Variants in STPG2 observed in about 807,000 individuals in gnomAD.
STPG2 encodes sperm tail PG-rich repeat containing 2.
Under a neutral mutation model 54.2 loss-of-function variants are expected in STPG2, and 56 were observed. The observed-to-expected ratio is 1.03, with a 90% CI of 0.83 to 1.29. The LOEUF is 1.29. Among genes scored for constraint, STPG2 ranks in the 50% most tolerant of loss-of-function variants. The pLI is 0.00. For synonymous variants in STPG2, 200 were observed against 181.8 expected (o/e 1.10, Z -0.81); for missense variants, 596 against 544.9 (o/e 1.09, Z -0.93).
At chr4:97,475,211 T>A (rs1316126569) in intron 4 of STPG2, among the ~76,000 whole-genome samples, 1 of 151,926 alleles carries the variant, frequency 6.6e-6, no homozygotes, top group East Asian at 1.9e-4. Context: ...ACTTTAGCAC[T>A]GAATGTTTTC....
chr4:97,562,460 C>A (rs1732280994), intron 10 of STPG2, among the ~76,000 whole-genome samples: 1 of 152,100 alleles, frequency 6.6e-6, no homozygotes, highest in African/African-American at 2.4e-5. Context: ...TTGCCCTGGC[C>A]AGAACTTCCA....
chr4:97,471,818 AC>A (rs1729943731), intron 4 of STPG2, among the ~76,000 whole-genome samples: 1 of 152,246 alleles, frequency 6.6e-6, no homozygotes, highest in Non-Finnish European at 1.5e-5. Context: ...TTTGAAAAAA[AC>A]ATTTTCTGAG....
chr4:97,712,904 G>T, intron 9 of STPG2, 90 bp from the exon 10 acceptor site: 1 of 773,482 alleles, frequency 1.3e-6, no homozygotes, highest in Non-Finnish European at 1.9e-6. Flanking sequence ...TGCTCTTAAT[G>T]TATAAAATTA....
intron 10 of STPG2, among the ~76,000 whole-genome samples, chr4:97,673,572 C>T (rs1190768373): frequency 6.6e-6 from 1 of 152,168 alleles, no homozygotes; most frequent in Non-Finnish European, 1.5e-5. Flanking sequence ...AGAATCTCCC[C>T]TTCTTTCAAA....
intron 10 of STPG2, among the ~76,000 whole-genome samples, chr4:97,616,509 T>G (rs565233082): frequency 6.6e-6 from 1 of 152,242 alleles, no homozygotes; most frequent in East Asian, 1.9e-4. Flanking sequence ...TAGAGTTTCA[T>G]TTTCATTGTA....
chr4:97,946,608 T>C (rs746669645), intron 7 of STPG2, among the ~76,000 whole-genome samples: 93 of 152,314 alleles, frequency 6.1e-4, no homozygotes, highest in Non-Finnish European at 2.8e-4. Flanking sequence ...TTCTTCTAAA[T>C]GTAGCTATTC....
chr4:97,854,539 T>A (rs1729271071), intron 8 of STPG2, among the ~76,000 whole-genome samples: 1 of 149,652 alleles, frequency 6.7e-6, no homozygotes, highest in Admixed American at 6.7e-5. Flanking sequence ...AGTTCTTTTT[T>A]TACACTAGCA....
chr4:97,920,494 TG>T (rs1348217366), intron 8 of STPG2, among the ~76,000 whole-genome samples: 1 of 152,176 alleles, frequency 6.6e-6, no homozygotes, highest in Non-Finnish European at 1.5e-5. Flanking sequence ...AAGTGGAAAT[TG>T]GGTTGATGTT....
At chr4:97,642,385 G>T (rs1721789901) in intron 10 of STPG2, among the ~76,000 whole-genome samples, 1 of 150,988 alleles carries the variant, frequency 6.6e-6, no homozygotes, top group African/African-American at 2.4e-5. Context: ...ACATATTTAA[G>T]GTTTAGGAAG....
Position 97,826,389 on chromosome 4 carries a change from TA to T in STPG2, c.1204+14383del, listed in dbSNP as rs1728259479. Among the ~76,000 whole-genome samples the T allele has an allele frequency of 9.6e-5, 10 of 104,488 alleles. No individual in the cohort carries two copies. The South Asian group carries it at 2.7e-3, about 28-fold the overall frequency. The allele number at this position is 104,488 out of a possible 152,430, so 68.5% of individuals were successfully genotyped here. A position where few individuals can be genotyped will look rare whatever the true frequency, so the allele number is the denominator to read the frequency against. Reference sequence around the variant, plus strand: ...GTTTGAACAAGTTGTGGAAAGTTTATAAAAAATTAATTGTAAAGAGATTCTG... The same window carrying T: ...GTTTGAACAAGTTGTGGAAAGTTTATAAAAATTAATTGTAAAGAGATTCTG... On this transcript the variant is annotated intron_variant, in intron 9 of 10. Coordinates refer to ENST00000295268, the MANE Select transcript of STPG2 (RefSeq NM_174952.3).
chr4:97,969,396 G>C (rs116240533), intron 7 of STPG2, among the ~76,000 whole-genome samples: 3 of 152,036 alleles, frequency 2.0e-5, no homozygotes, highest in African/African-American at 7.3e-5. Flanking sequence ...TCAAATGACC[G>C]TAAATCTCTC....
Position 98,143,039 on chromosome 4 carries a change from T to A in STPG2, c.109+3A>T, listed in dbSNP as rs1259838402. ...AGGAGCTCTGCCTCTTCCTACATCT[T>A]ACCTGTCGCCTGCTGCTTCAGGAAA... On this transcript the variant is annotated splice_donor_region_variant and intron_variant, in intron 1 of 10. Transcript: ENST00000295268. The A allele has an allele frequency of 6.2e-7, 1 of 1,608,784 alleles. No homozygotes were observed. Among genetic ancestry groups the A allele is most frequent in the Admixed American group, 1.7e-5 (1 of 59,684 alleles).
At chr4:97,991,750 C>T (rs1052217666) in intron 5 of STPG2, among the ~76,000 whole-genome samples, 1 of 152,076 alleles carries the variant, frequency 6.6e-6, no homozygotes, top group Non-Finnish European at 1.5e-5. Flanking sequence ...CTTTTCACCA[C>T]ATCCATGCCA....
chr4:97,803,460 G>A (rs758616149), intron 9 of STPG2, among the ~76,000 whole-genome samples: 33 of 152,100 alleles, frequency 2.2e-4, no homozygotes, highest in Admixed American at 9.8e-4. Flanking sequence ...GGGTGGAGGT[G>A]GAGGTGGGGG....
chr4:97,701,314 T>G (rs1210491776), intron 10 of STPG2, among the ~76,000 whole-genome samples: 1 of 152,098 alleles, frequency 6.6e-6, no homozygotes, highest in Non-Finnish European at 1.5e-5. Flanking sequence ...AAGTCAGACC[T>G]GAGCTAAAAC....
At chr4:98,018,811 G>A (rs552920279) in intron 5 of STPG2, among the ~76,000 whole-genome samples, 5 of 151,848 alleles carry the variant, frequency 3.3e-5, no homozygotes, top group Non-Finnish European at 5.9e-5. Context: ...CTGCATAAAT[G>A]TCTTCTTTTG....
chr4:97,889,451 G>T (rs1433179130), intron 8 of STPG2, among the ~76,000 whole-genome samples: 1 of 152,138 alleles, frequency 6.6e-6, no homozygotes, highest in Non-Finnish European at 1.5e-5. Flanking sequence ...GATAAAGAAA[G>T]TGCGGTATAT....
chr4:98,025,021 C>T (rs1259001570), intron 5 of STPG2, among the ~76,000 whole-genome samples: 1 of 152,092 alleles, frequency 6.6e-6, no homozygotes, highest in South Asian at 2.1e-4. Context: ...AATGTAATTA[C>T]CCCCATCTGT....
chr4:97,680,037 G>A (rs1442540175), intron 10 of STPG2, among the ~76,000 whole-genome samples: 1 of 152,088 alleles, frequency 6.6e-6, no homozygotes, highest in Admixed American at 6.6e-5. Flanking sequence ...TAGCCTTGTA[G>A]TATAGTTTGA....
Sources: allele counts gnomAD v4.1 joint callset (sites outside exome capture counted in the v4.1 genomes callset), GRCh38; gene constraint gnomAD v4.1.1; transcripts MANE v1.5; gene names NCBI Gene and HGNC (gene_info 2026-07-23, HGNC 2026-07-21).